Variants in LRP12 observed in about 807,000 individuals in gnomAD.
LRP12 encodes low-density lipoprotein receptor-related protein 12.
A neutral mutation model predicts 66.0 loss-of-function variants in LRP12; 14 were observed. The observed-to-expected ratio is 0.21, with a 90% confidence interval of 0.14 to 0.33. LRP12 has a LOEUF of 0.33. Among genes scored for constraint, LRP12 ranks in the 10% least tolerant of loss-of-function variants. The pLI is 1.00. For missense variants in LRP12, 889 were observed against 1,053.4 expected, an observed-to-expected ratio of 0.84 and a Z score of 2.16; for synonymous variants, 357 against 359.1, an observed-to-expected ratio of 0.99 and a Z score of 0.07.
At chr8:104,573,628 T>C (rs1352405256) in intron 1 of LRP12, among the ~76,000 whole-genome samples, 2 of 152,154 alleles carry the variant, frequency 1.3e-5, no homozygotes, top group Non-Finnish European at 2.9e-5. Flanking sequence ...TGCTTTCCTG[T>C]TACAGTACCT....
chr8:104,505,357 C>T (rs1810891516), intron 3 of LRP12: 1 of 150,666 alleles, frequency 6.6e-6, no homozygotes, highest in Non-Finnish European at 1.5e-5. Context: ...AGATGTGTTA[C>T]AACCTTTCTA....
rs369555600 is a variant in LRP12 at position 104,497,993 on chromosome 8, T to A, written c.559A>T (p.Asn187Tyr). The change falls in exon 5 of 7, where the codon AAC (asparagine) becomes TAC (tyrosine). Residue 187 changes from asparagine (N) to tyrosine (Y), a missense_variant. By Grantham distance (143) the Asn-to-Tyr change is moderately radical. Around this residue, in one of 3 missense-constraint regions of LRP12, gnomAD observed 800 missense variants for 964.5 expected, o/e 0.83. Coordinates refer to ENST00000276654, the MANE Select transcript of LRP12 (RefSeq NM_013437.5). This position sits in a 1 kb window ranked among gnomAD's most constrained non-coding sequence, Gnocchi z 4.3. ...GAACTATCTCCACATTCATCCATGT[T>A]ATTACATTTCCAGGCTTCTGGTATA... ...KCIPEAWKCN[N>Y]MDECGDSSDE... 5.6e-6 allele frequency: 9 copies of A among 1,614,192 alleles called. No homozygotes were observed. Among genetic ancestry groups the A allele is most frequent in the Non-Finnish European group, 7.6e-6 (9 of 1,180,024 alleles).
intron 5 of LRP12, 89 bp from the exon 6 acceptor site, chr8:104,495,298 G>A (rs2140830013): frequency 1.6e-6 from 2 of 1,272,250 alleles, no homozygotes; most frequent in Middle Eastern, 1.9e-4. Context: ...AACAATCTGA[G>A]TCTTGGCATA....
At chr8:104,525,970 C>T (rs997557905) in intron 2 of LRP12, among the ~76,000 whole-genome samples, 9 of 152,180 alleles carry the variant, frequency 5.9e-5, no homozygotes, top group Non-Finnish European at 1.0e-4. Context: ...AGCTGATAAG[C>T]AACTTCAGCA....
intron 2 of LRP12, among the ~76,000 whole-genome samples, chr8:104,519,843 G>A (rs1282675828): frequency 3.3e-5 from 5 of 152,072 alleles, no homozygotes; most frequent in Admixed American, 3.3e-4. Context: ...ATTTAAGACT[G>A]AATACAGCAA....
In LRP12 at chr8:104,588,941, G is replaced by A. The variant is rs553423147; in HGVS notation, c.-44C>T. ...GAGAGAGGAGGAGACGGAGGAGGAG[G>A]GAGGAGAAGCTGGAGGTAGACGACG... On this transcript the variant is annotated 5_prime_UTR_variant, in exon 1 of 7. Coordinates refer to ENST00000276654, the MANE Select transcript of LRP12 (RefSeq NM_013437.5). 28 of 1,480,274 alleles carry A rather than the reference G, an allele frequency of 1.9e-5. No individual in the cohort carries two copies. The Admixed American group carries it at 4.9e-4, about 26-fold the overall frequency. 91.7% of individuals were successfully genotyped at this position (1,480,274 alleles called of 1,614,324 possible).
At chr8:104,583,434 A>G (rs1016265711) in intron 1 of LRP12, among the ~76,000 whole-genome samples, 1 of 152,182 alleles carries the variant, frequency 6.6e-6, no homozygotes, top group Non-Finnish European at 1.5e-5. Flanking sequence ...TAACACAGTT[A>G]GCTATGCTTT....
chr8:104,538,412 C>CA (rs1284286887), intron 1 of LRP12, among the ~76,000 whole-genome samples: 19 of 152,066 alleles, frequency 1.2e-4, no homozygotes, highest in African/African-American at 4.6e-4. Context: ...CCCAAAACCA[C>CA]AAAAATCCTC....
At chr8:104,530,776 T>A (rs1392773964) in intron 2 of LRP12, among the ~76,000 whole-genome samples, 1 of 152,204 alleles carries the variant, frequency 6.6e-6, no homozygotes, top group Non-Finnish European at 1.5e-5. Context: ...CTTGGAAAAG[T>A]AATTATAATT....
intron 3 of LRP12, chr8:104,507,530 G>C (rs1215934670): frequency 6.6e-6 from 1 of 152,154 alleles, no homozygotes; most frequent in African/African-American, 2.4e-5. Context: ...TAGGTTAAAA[G>C]GTGAAGGTCT....
intron 1 of LRP12, chr8:104,566,124 G>C (rs1300863822): frequency 1.1e-5 from 4 of 357,712 alleles, no homozygotes; most frequent in Admixed American, 8.6e-5. Flanking sequence ...TTGTGGGATT[G>C]GCTATATGCA....
chr8:104,567,711 C>T (rs1219002520), intron 1 of LRP12, among the ~76,000 whole-genome samples: 1 of 152,098 alleles, frequency 6.6e-6, no homozygotes, highest in Non-Finnish European at 1.5e-5. Context: ...AACAATTCCA[C>T]TTACAATAGC....
At position 104,588,868 on chromosome 8, in the gene LRP12, A is replaced by G; in HGVS notation, c.30T>C (p.Ser10=). ...AGAGCAACGCAGACCTCCACCGCGG[A>G]GACTCTTTTGTGCTCCAGCGACAGG... The part of the protein sequence containing the change: MACRWSTKE[S]PRWRSALLLL... The change falls in exon 1 of 7, where the codon TCT becomes TCC. Residue 10 remains serine, a synonymous_variant. Coordinates refer to ENST00000276654, the MANE Select transcript of LRP12 (RefSeq NM_013437.5). 1 of 1,611,722 alleles carries G rather than the reference A, an allele frequency of 6.2e-7. No homozygotes were observed. Among genetic ancestry groups the G allele is most frequent in the African/African-American group, 1.3e-5 (1 of 74,960 alleles).
intron 1 of LRP12, among the ~76,000 whole-genome samples, chr8:104,554,507 C>G (rs1318338816): frequency 6.6e-6 from 1 of 151,584 alleles, no homozygotes; most frequent in Non-Finnish European, 1.5e-5. Context: ...AACAACAGAA[C>G]AAGTAGAAGA....
intron 6 of LRP12, among the ~76,000 whole-genome samples, chr8:104,493,421 G>A (rs1301026229): frequency 2.0e-5 from 3 of 152,078 alleles, no homozygotes; most frequent in Non-Finnish European, 4.4e-5. Flanking sequence ...CTCCCACGAG[G>A]GTACATATAA....
rs1812128456 is a variant in LRP12, at chr8:104,574,385, C to T, written c.79+14434G>A. On this transcript the variant is annotated intron_variant, in intron 1 of 6. Coordinates refer to ENST00000276654, the MANE Select transcript of LRP12 (RefSeq NM_013437.5). ...GTCCTGCGACCCGAAAGTTTGGAAACTGCTGCTAAACAGAATTATCTTATG... is the reference window on the plus strand; with the variant it reads ...GTCCTGCGACCCGAAAGTTTGGAAATTGCTGCTAAACAGAATTATCTTATG... Among the ~76,000 whole-genome samples, 7 of 152,186 alleles carry T rather than the reference C, an allele frequency of 4.6e-5. No individual in the cohort carries two copies. In the South Asian group the frequency reaches 1.4e-3, roughly 31 times the overall value.
chr8:104,529,592 T>C (rs1811294999), intron 2 of LRP12, among the ~76,000 whole-genome samples: 1 of 152,206 alleles, frequency 6.6e-6, no homozygotes, highest in Non-Finnish European at 1.5e-5. Context: ...ATTCAGAATG[T>C]AGTACTATAT....
At position 104,497,892 on chromosome 8, in the gene LRP12, G is replaced by A. The variant is rs781015320; in HGVS notation, c.660C>T (p.Phe220=). The A allele has an allele frequency of 6.2e-7, 1 of 1,614,166 alleles. No homozygotes were observed. Among genetic ancestry groups the A allele is most frequent in the South Asian group, 1.1e-5 (1 of 91,084 alleles). Residue 220 remains phenylalanine, a synonymous_variant, in exon 5 of 7, where the codon TTC becomes TTT. Coordinates refer to ENST00000276654, the MANE Select transcript of LRP12 (RefSeq NM_013437.5). This position sits in a 1 kb window ranked among gnomAD's most constrained non-coding sequence, Gnocchi z 4.3. ...CTTTGGTAAAACGGGATAAACACTGGAACTGGTTGTAAGCACAGGGTTGAA... is the reference window on the plus strand; with the variant it reads ...CTTTGGTAAAACGGGATAAACACTGAAACTGGTTGTAAGCACAGGGTTGAA... The part of the protein sequence containing the change: ...AAFQPCAYNQ[F]QCLSRFTKVY...
intron 6 of LRP12, among the ~76,000 whole-genome samples, chr8:104,492,848 T>TAAA (rs532270334): frequency 1.4e-5 from 2 of 144,214 alleles, no homozygotes; most frequent in African/African-American, 5.0e-5. Context: ...AACTACAAAT[T>TAAA]AAAAAAAAAA....
Sources: allele counts gnomAD v4.1 joint callset (sites outside exome capture counted in the v4.1 genomes callset), GRCh38; gene constraint gnomAD v4.1.1; regional missense constraint gnomAD v4.1.1; non-coding constraint Gnocchi (gnomAD v3.1); transcripts MANE v1.5; gene names NCBI Gene and HGNC (gene_info 2026-07-23, HGNC 2026-07-21).